COX10: variants seen among roughly 807,000 people sequenced by gnomAD.
COX10 encodes protoheme IX farnesyltransferase, mitochondrial.
COX10 carries 27 observed loss-of-function variants against 37.3 expected under a neutral mutation model. The observed-to-expected ratio is 0.72, with a 90% confidence interval of 0.53 to 1.00. COX10 has a LOEUF of 1.00. COX10 is among the 50% of genes least tolerant of loss of function. The pLI is 0.00. For synonymous variants in COX10, 222 were observed against 229.1 expected (o/e 0.97, Z 0.28); for missense variants, 475 against 563.2 (o/e 0.84, Z 1.59).
chr17:14,191,613 T>C, intron 5 of COX10, among the ~76,000 whole-genome samples: 1 of 152,220 alleles, frequency 6.6e-6, no homozygotes, highest in Non-Finnish European at 1.5e-5. Context: ...GCAGGAGGCA[T>C]TGTCTCAGTC....
chr17:14,107,520 C>T (rs956890670), intron 4 of COX10, among the ~76,000 whole-genome samples: 5 of 146,450 alleles, frequency 3.4e-5, no homozygotes, highest in Non-Finnish European at 7.6e-5. Context: ...CTCTTTGGTT[C>T]TTTTTTTTTT....
At chr17:14,096,344 A>C (rs919883732) in intron 3 of COX10, among the ~76,000 whole-genome samples, 36 of 151,390 alleles carry the variant, frequency 2.4e-4, no homozygotes, top group African/African-American at 8.3e-4. Flanking sequence ...GATTGTTTCA[A>C]AATTTTTAAA....
chr17:14,069,955 C>A (rs906004123), intron 1 of COX10, among the ~76,000 whole-genome samples: 2 of 152,138 alleles, frequency 1.3e-5, no homozygotes, highest in Non-Finnish European at 2.9e-5. Flanking sequence ...CAGAGCAGAA[C>A]CTTGGGGTTC....
At chr17:14,099,840 T>C (rs1369512163) in intron 3 of COX10, among the ~76,000 whole-genome samples, 1 of 152,066 alleles carries the variant, frequency 6.6e-6, no homozygotes, top group Non-Finnish European at 1.5e-5. Context: ...TACCTGGATG[T>C]CCCACGGTTT....
At chr17:14,157,207 A>G (rs924295396) in intron 4 of COX10, among the ~76,000 whole-genome samples, 27 of 152,230 alleles carry the variant, frequency 1.8e-4, no homozygotes, top group African/African-American at 6.3e-4. Context: ...CCCATGAGCT[A>G]CAGTTTGCCG....
At chr17:14,142,110 A>G (rs182901119) in intron 4 of COX10, among the ~76,000 whole-genome samples, 43 of 152,328 alleles carry the variant, frequency 2.8e-4, no homozygotes, top group African/African-American at 1.0e-3. Flanking sequence ...GCGCCTCTTT[A>G]TTAGAAAACC....
At chr17:14,072,277 A>C (rs571545786) in intron 1 of COX10, among the ~76,000 whole-genome samples, 1 of 152,116 alleles carries the variant, frequency 6.6e-6, no homozygotes, top group South Asian at 2.1e-4. Context: ...CTGGAGTGCA[A>C]TGGCACAATC....
chr17:14,121,883 G>A (rs899934234), intron 4 of COX10, among the ~76,000 whole-genome samples: 70 of 152,188 alleles, frequency 4.6e-4, no homozygotes, highest in Admixed American at 1.1e-3. Context: ...GATTTTAGTC[G>A]AAGAAATAAC....
chr17:14,207,026 C>T lies in COX10; in HGVS notation c.1145C>T (p.Pro382Leu). 6.2e-7 allele frequency: 1 copy of T among 1,614,098 alleles called. No individual in the cohort carries two copies. Among genetic ancestry groups the T allele is most frequent in the Admixed American group, 1.7e-5 (1 of 60,028 alleles). The change falls in exon 7 of 7, where the codon CCC (proline) becomes CTC (leucine). Residue 382 changes from proline to leucine, a missense_variant. Physicochemically the swap from Pro to Leu is moderately conservative, Grantham distance 98. This residue lies in a region of COX10 where 160 missense variants were observed against 180.6 expected (regional missense o/e 0.89). Coordinates refer to ENST00000261643, the MANE Select transcript of COX10 (RefSeq NM_001303.4). ...PVLDITTWTF[P>L]IMALPINAYI... ...CTGGACATCACCACATGGACCTTCCCCATCATGGCCCTTCCCATCAATGCG... is the reference window on the plus strand; with the variant it reads ...CTGGACATCACCACATGGACCTTCCTCATCATGGCCCTTCCCATCAATGCG...
At chr17:14,163,468 C>G (rs1328541558) in intron 5 of COX10, among the ~76,000 whole-genome samples, 1 of 152,066 alleles carries the variant, frequency 6.6e-6, no homozygotes, top group Non-Finnish European at 1.5e-5. Flanking sequence ...GTTGGCCAGG[C>G]TGGTCTTGAA....
chr17:14,124,864 C>T lies in COX10; in HGVS notation c.624+22622C>T, dbSNP rs549086303. ...GGATCTTACTTGTTTAATGTTAAGT[C>T]ACAACCAGGTTATGAGCTATACTTG... On this transcript the variant is annotated intron_variant, in intron 4 of 6. Coordinates refer to ENST00000261643, the MANE Select transcript of COX10 (RefSeq NM_001303.4). 1.4e-4 allele frequency among the ~76,000 whole-genome samples: 22 copies of T among 152,260 alleles called. No individual in the cohort carries two copies. In the South Asian group the frequency reaches 3.9e-3, roughly 27 times the overall value.
intron 5 of COX10, among the ~76,000 whole-genome samples, chr17:14,176,054 A>G (rs534428928): frequency 1.9e-4 from 29 of 152,238 alleles, no homozygotes; most frequent in African/African-American, 6.7e-4. Context: ...GCCTGGGTAA[A>G]GTAGACCGTA....
chr17:14,174,776 C>G (rs1158830008), intron 5 of COX10, among the ~76,000 whole-genome samples: 3 of 151,252 alleles, frequency 2.0e-5, no homozygotes, highest in African/African-American at 7.3e-5. Flanking sequence ...CAATCCCATT[C>G]CTGTGTATGT....
At chr17:14,095,486 C>G (rs1915627984) in intron 3 of COX10, among the ~76,000 whole-genome samples, 1 of 152,160 alleles carries the variant, frequency 6.6e-6, no homozygotes, top group Non-Finnish European at 1.5e-5. Flanking sequence ...CTCTGTGTTG[C>G]TGGTAGACTA....
At chr17:14,099,407 C>T (rs1420741001) in intron 3 of COX10, among the ~76,000 whole-genome samples, 1 of 152,054 alleles carries the variant, frequency 6.6e-6, no homozygotes, top group African/African-American at 2.4e-5. Context: ...TCATATGGTA[C>T]AACTATAAAG....
chr17:14,092,531 G>T (rs1179725080), intron 3 of COX10, among the ~76,000 whole-genome samples: 2 of 152,042 alleles, frequency 1.3e-5, no homozygotes, highest in Non-Finnish European at 2.9e-5. Flanking sequence ...GCCCCTGATT[G>T]ATACCTTTTA....
At chr17:14,112,184 A>G (rs1916017436) in intron 4 of COX10, among the ~76,000 whole-genome samples, 1 of 152,188 alleles carries the variant, frequency 6.6e-6, no homozygotes, top group African/African-American at 2.4e-5. Context: ...GTCAGGTTAC[A>G]TCAGAAATGA....
chr17:14,074,725 C>G (rs1371720984), intron 2 of COX10, among the ~76,000 whole-genome samples: 1 of 152,076 alleles, frequency 6.6e-6, no homozygotes, highest in Non-Finnish European at 1.5e-5. Context: ...TTCGACCTGG[C>G]CAAAATTGGG....
chr17:14,115,583 A>G (rs913657276), intron 4 of COX10, among the ~76,000 whole-genome samples: 7 of 152,150 alleles, frequency 4.6e-5, no homozygotes, highest in African/African-American at 1.7e-4. Context: ...CTGCACTCAT[A>G]TGTTTATCAC....
Sources: allele counts gnomAD v4.1 joint callset (sites outside exome capture counted in the v4.1 genomes callset), GRCh38; gene constraint gnomAD v4.1.1; regional missense constraint gnomAD v4.1.1; transcripts MANE v1.5; gene names NCBI Gene and HGNC (gene_info 2026-07-23, HGNC 2026-07-21).